The following MGST1 variants were observed in gnomAD, a reference collection of about 807,000 sequenced individuals.
MGST1 encodes glutathione S-transferase 12.
Under a neutral mutation model 8.9 loss-of-function variants are expected in MGST1, and 5 were observed. The ratio of observed to expected loss-of-function variants is 0.56; its 90% CI spans 0.29 to 1.19. The LOEUF (loss-of-function observed/expected upper bound fraction) is 1.19. MGST1 is among the 50% of genes most tolerant of loss of function. MGST1 has a pLI of 0.08. For synonymous variants in MGST1, 54 were observed against 67.8 expected (o/e 0.80, Z 1.00); for missense variants, 182 against 187.4 (o/e 0.97, Z 0.17).
chr12:16,423,611 G>A (rs1940861580), intron 1 of MGST1, among the ~76,000 whole-genome samples: 1 of 152,072 alleles, frequency 6.6e-6, no homozygotes, highest in Non-Finnish European at 1.5e-5. Context: ...ATTTTACCCA[G>A]CATCTGCTCT....
intron 4 of MGST1, among the ~76,000 whole-genome samples, chr12:16,469,288 C>T (rs1286486681): frequency 1.0e-4 from 15 of 147,658 alleles, no homozygotes; most frequent in East Asian, 4.0e-4. Context: ...AGGGGTCAAG[C>T]GATTCTCCTG....
Position 16,548,642 on chromosome 12 carries a change from G to T in MGST1, n.483-40886G>T, listed in dbSNP as rs1032005132. On this transcript the variant is annotated intron_variant and non_coding_transcript_variant, in intron 4 of 4. Coordinates refer to the MGST1 transcript ENST00000538857. The surrounding 1 kb of genome is among the most constrained non-coding windows in gnomAD (Gnocchi z 4.2). The stretch of plus-strand genomic sequence containing the variant: ...GGCATCAGACAACAAGCTAAATGAC[G>T]TTAGGGCTACACAACACAAAGGGGA... The T allele has an allele frequency of 3.9e-5, 6 of 152,074 alleles. No individual in the cohort carries two copies. Among genetic ancestry groups the T allele is most frequent in the Non-Finnish European group, 8.8e-5 (6 of 67,994 alleles). The allele number at this position is 152,074 out of a possible 1,614,324, so 9.4% of individuals were successfully genotyped here.
chr12:16,477,563 A>G (rs890630354), intron 4 of MGST1, among the ~76,000 whole-genome samples: 2 of 152,202 alleles, frequency 1.3e-5, no homozygotes, highest in Non-Finnish European at 1.5e-5. Flanking sequence ...TAAAATTACT[A>G]TCTTACTTGT....
intron 1 of MGST1, among the ~76,000 whole-genome samples, chr12:16,398,091 T>G (rs1426333154): frequency 6.6e-6 from 1 of 151,924 alleles, no homozygotes; most frequent in East Asian, 1.9e-4. Flanking sequence ...GTTAGATTTT[T>G]TTTTTTTTAC....
intron 1 of MGST1, among the ~76,000 whole-genome samples, chr12:16,414,482 C>T (rs1208458907): frequency 6.7e-6 from 1 of 148,584 alleles, no homozygotes; most frequent in Non-Finnish European, 1.5e-5. Flanking sequence ...GTGGTGTGAT[C>T]TCAGCTCACT....
At chr12:16,512,705 C>T (rs1941584756) in intron 4 of MGST1, among the ~76,000 whole-genome samples, 1 of 152,120 alleles carries the variant, frequency 6.6e-6, no homozygotes, top group African/African-American at 2.4e-5. Flanking sequence ...AAACAGAAGC[C>T]GTGCCCATCA....
chr12:16,440,688 A>G (rs957256830), downstream of MGST1, among the ~76,000 whole-genome samples: 3 of 151,842 alleles, frequency 2.0e-5, no homozygotes, highest in Non-Finnish European at 2.9e-5. Context: ...AATTATTAGG[A>G]ATAAATTACT....
At chr12:16,417,591 T>C (rs1940798518) in intron 1 of MGST1, among the ~76,000 whole-genome samples, 1 of 152,102 alleles carries the variant, frequency 6.6e-6, no homozygotes, top group African/African-American at 2.4e-5. Context: ...AGAATCCAAG[T>C]GTTATGACTG....
chr12:16,419,593 G>A (rs748536932), intron 1 of MGST1, among the ~76,000 whole-genome samples: 1 of 152,150 alleles, frequency 6.6e-6, no homozygotes, highest in Admixed American at 6.6e-5. Context: ...TCTTCAAAGA[G>A]GTTATTCTCT....
chr12:16,410,536 G>A lies in MGST1; in HGVS notation n.779-26852G>A, dbSNP rs1216166238. ...ATATTGCATATATGTGTATATATTT[G>A]ATTATATATGTTTATACACTATTAT... On this transcript the variant is annotated intron_variant and non_coding_transcript_variant, in intron 1 of 1. Coordinates refer to the MGST1 transcript ENST00000359720. The surrounding 1 kb of genome is among the most constrained non-coding windows in gnomAD (Gnocchi z 4.4). Among the ~76,000 whole-genome samples the A allele has an allele frequency of 1.3e-5, 2 of 149,444 alleles. No individual in the cohort carries two copies. Among genetic ancestry groups the A allele is most frequent in the Non-Finnish European group, 3.0e-5 (2 of 67,530 alleles).
At chr12:16,438,391 C>A (rs1391998697) in exon 2 of MGST1, 1 of 151,880 alleles carries the variant, frequency 6.6e-6, no homozygotes, top group African/African-American at 2.4e-5. Context: ...TCCAACTAGA[C>A]TCTATGGTGA....
intron 1 of MGST1, among the ~76,000 whole-genome samples, chr12:16,386,392 A>G (rs1638637177): frequency 6.6e-6 from 1 of 152,194 alleles, no homozygotes; most frequent in African/African-American, 2.4e-5. Context: ...GCCCTAGCAC[A>G]TGGATTTAGA....
chr12:16,375,628 A>G (rs552976664), intron 3 of MGST1, among the ~76,000 whole-genome samples: 4 of 152,132 alleles, frequency 2.6e-5, no homozygotes, highest in Non-Finnish European at 4.4e-5. Flanking sequence ...TTATATCAGC[A>G]TCACTGAAAA....
chr12:16,551,040 A>C (rs1281084637), intron 4 of MGST1: 2 of 520,070 alleles, frequency 3.8e-6, no homozygotes, highest in Non-Finnish European at 6.9e-6. Context: ...TAAACATTCA[A>C]CTCTGAACTG....
chr12:16,371,287 A>G (rs1217002595), intron 3 of MGST1, among the ~76,000 whole-genome samples: 2 of 152,116 alleles, frequency 1.3e-5, no homozygotes, highest in East Asian at 3.9e-4. Context: ...AATAAAAGAA[A>G]AATGTTTATT....
downstream of MGST1, among the ~76,000 whole-genome samples, chr12:16,440,054 A>G (rs113713172): frequency 3.8e-3 from 582 of 151,906 alleles, 2 homozygotes; most frequent in Non-Finnish European, 7.2e-3. Flanking sequence ...GTGATGTTCT[A>G]ACTTTCCTGG....
chr12:16,486,810 A>T lies in MGST1; in HGVS notation n.483-102718A>T, dbSNP rs146629644. Among the ~76,000 whole-genome samples the T allele has an allele frequency of 3.2e-3, 493 of 152,320 alleles. 3 individuals are homozygous for T. Among genetic ancestry groups the T allele is most frequent in the African/African-American group, 0.012 (482 of 41,574 alleles). On this transcript the variant is annotated intron_variant and non_coding_transcript_variant, in intron 4 of 4. Coordinates refer to the MGST1 transcript ENST00000538857. ...TTACAAGTTTTGGGACTTCAGCAGG[A>T]AAAGGACTGGTGCTCCCTAATTCTT...
chr12:16,511,143 A>G (rs913062675), intron 4 of MGST1, among the ~76,000 whole-genome samples: 13 of 152,234 alleles, frequency 8.5e-5, no homozygotes, highest in Non-Finnish European at 1.3e-4. Context: ...TTTTTTGACA[A>G]TTATCACAGC....
chr12:16,552,066 T>G (rs1175115604), intron 4 of MGST1, among the ~76,000 whole-genome samples: 1 of 152,080 alleles, frequency 6.6e-6, no homozygotes, highest in Non-Finnish European at 1.5e-5. Flanking sequence ...ATTATGCATT[T>G]TATTTCATAA....
Sources: allele counts gnomAD v4.1 joint callset (sites outside exome capture counted in the v4.1 genomes callset), GRCh38; gene constraint gnomAD v4.1.1; non-coding constraint Gnocchi (gnomAD v3.1); transcripts MANE v1.5; gene names NCBI Gene and HGNC (gene_info 2026-07-23, HGNC 2026-07-21).